TGFBR3: variants seen among roughly 807,000 people sequenced by gnomAD.
TGFBR3 encodes transforming growth factor beta receptor type 3.
TGFBR3 carries 46 observed loss-of-function variants against 87.9 expected under a neutral mutation model. The observed-to-expected ratio is 0.52, with a 90% CI of 0.41 to 0.67. The LOEUF (loss-of-function observed/expected upper bound fraction) is 0.67, where lower values mean the gene tolerates loss of function less well. Among genes scored for constraint, TGFBR3 ranks in the 30% least tolerant of loss-of-function variants. The pLI is 0.00. For missense variants in TGFBR3, 866 were observed against 1,041.9 expected (o/e 0.83, Z 2.32); for synonymous variants, 381 against 391.6 (o/e 0.97, Z 0.32).
chr1:91,789,052 C>T (rs1675081234), intron 3 of TGFBR3, among the ~76,000 whole-genome samples: 1 of 152,168 alleles, frequency 6.6e-6, no homozygotes, highest in Admixed American at 6.5e-5. Context: ...AATCCCAGCA[C>T]TTTGGGAAGC....
At chr1:91,877,938 C>G (rs146173956) in intron 1 of TGFBR3, among the ~76,000 whole-genome samples, 1 of 152,026 alleles carries the variant, frequency 6.6e-6, no homozygotes, top group African/African-American at 2.4e-5. Flanking sequence ...AAAGATAGAC[C>G]AGCAATAGGA....
Position 91,885,872 on chromosome 1 carries a change from AC to A in TGFBR3, c.-114+5del, listed in dbSNP as rs1335432197. ...TGCAGCGCCGCGGGGCTGGGCCGGC[AC>A]GTACCTCGGAGGCGGTGTGTCCAGC... On this transcript the variant is annotated splice_donor_5th_base_variant and intron_variant, in intron 1 of 16. Transcript: ENST00000212355. The A allele has an allele frequency of 1.9e-5, 7 of 371,020 alleles. No homozygotes were observed. The highest frequency in any genetic ancestry group is 1.5e-4 in the African/African-American group (7 of 46,104). The allele number at this position is 371,020 out of a possible 1,614,324, so 23.0% of individuals were successfully genotyped here.
At chr1:91,742,623 A>C (rs1370431645) in intron 4 of TGFBR3, among the ~76,000 whole-genome samples, 1 of 152,180 alleles carries the variant, frequency 6.6e-6, no homozygotes, top group Admixed American at 6.5e-5. Flanking sequence ...ATTAAAACCC[A>C]ATCCTCTAAC....
chr1:91,689,264 T>C (rs531223054), intron 16 of TGFBR3, among the ~76,000 whole-genome samples: 1 of 152,336 alleles, frequency 6.6e-6, no homozygotes, highest in South Asian at 2.1e-4. Context: ...AGTTCTCCAT[T>C]TTTCTGACAC....
In TGFBR3 at chr1:91,751,479, T is replaced by G. The variant is rs376312928; in HGVS notation, c.384+7134A>C. Among the ~76,000 whole-genome samples the G allele has an allele frequency of 9.8e-5, 15 of 152,324 alleles. No homozygotes were observed. The East Asian group carries it at 1.2e-3, about 12-fold the overall frequency. ...GCTATTTAGCAACTGATTGGAAATT[T>G]AGCCTTCTGATTTCCAGTTAAATAC... is the stretch of plus-strand genomic sequence containing the variant. On this transcript the variant is annotated intron_variant, in intron 4 of 16. Coordinates refer to ENST00000212355, the MANE Select transcript of TGFBR3 (RefSeq NM_003243.5).
chr1:91,905,774 A>AC (rs1226944837), intron 1 of TGFBR3: 1 of 152,244 alleles, frequency 6.6e-6, no homozygotes. Context: ...TTTTGGTTGC[A>AC]AATGATGGAA....
chr1:91,897,367 G>C (rs990059496), intron 2 of TGFBR3, among the ~76,000 whole-genome samples: 1 of 152,150 alleles, frequency 6.6e-6, no homozygotes, highest in Non-Finnish European at 1.5e-5. Flanking sequence ...AAGCATATTT[G>C]GTAAAAGGTT....
intron 4 of TGFBR3, among the ~76,000 whole-genome samples, chr1:91,744,108 C>T (rs1186411489): frequency 1.3e-4 from 18 of 134,044 alleles, no homozygotes; most frequent in African/African-American, 3.4e-4. Flanking sequence ...TTTTTTGAGA[C>T]GGAGTTTCGC....
chr1:91,797,875 A>G (rs538699823), intron 2 of TGFBR3, among the ~76,000 whole-genome samples: 19 of 152,370 alleles, frequency 1.2e-4, no homozygotes, highest in Admixed American at 3.9e-4. Context: ...AGTATAAGAT[A>G]CAGATCCTAT....
At chr1:91,762,988 CA>C (rs1674027610) in intron 3 of TGFBR3, among the ~76,000 whole-genome samples, 1 of 152,166 alleles carries the variant, frequency 6.6e-6, no homozygotes, top group South Asian at 2.1e-4. Flanking sequence ...CAGAAAATAA[CA>C]AGGACAATCT....
chr1:91,794,780 C>T, intron 3 of TGFBR3, among the ~76,000 whole-genome samples: 1 of 152,116 alleles, frequency 6.6e-6, no homozygotes, highest in Non-Finnish European at 1.5e-5. Context: ...TTTTATTTAC[C>T]CATTCATCAG....
At chr1:91,762,328 T>C (rs926262452) in intron 3 of TGFBR3, among the ~76,000 whole-genome samples, 3 of 152,170 alleles carry the variant, frequency 2.0e-5, no homozygotes, top group African/African-American at 7.2e-5. Context: ...GCAGGGCCCA[T>C]GAACTCCCCG....
chr1:91,726,869 G>A (rs1672568804), intron 7 of TGFBR3, among the ~76,000 whole-genome samples: 1 of 151,774 alleles, frequency 6.6e-6, no homozygotes, highest in African/African-American at 2.4e-5. Context: ...TAAAAAATAG[G>A]GAGGAGGATT....
rs11466595 is a variant in TGFBR3, at chr1:91,720,178, G to A, written c.1128C>T (p.Ile376=). ...EVHTIPPELR[I]LLDPGALPAL... Reference sequence around the variant, plus strand: ...CAGGCAGGGCACCAGGGTCCAGCAGGATCCGTAGCTCAGGAGGAATAGTGT... The same window carrying A: ...CAGGCAGGGCACCAGGGTCCAGCAGAATCCGTAGCTCAGGAGGAATAGTGT... Residue 376 remains isoleucine (I), a synonymous_variant, in exon 9 of 17, where the codon ATC becomes ATT. Transcript: ENST00000212355. 16,644 of 1,612,964 alleles carry A rather than the reference G, an allele frequency of 0.01. 109 individuals are homozygous for A. The highest frequency in any genetic ancestry group is 0.012 in the Non-Finnish European group (14,393 of 1,179,510).
Position 91,855,448 on chromosome 1 carries a change from A to G in TGFBR3, c.61+6023T>C, listed in dbSNP as rs150178812. Among the ~76,000 whole-genome samples, 77 of 152,336 alleles carry G rather than the reference A, an allele frequency of 5.1e-4. 2 individuals are homozygous for G. Among genetic ancestry groups the G allele is most frequent in the African/African-American group, 1.8e-3 (75 of 41,582 alleles). Reference sequence around the variant, plus strand: ...ATGCATGCCTCTTTTTCTTATTACTAAAACTCCTGGAAACATAGCCCTGCC... The same window carrying G: ...ATGCATGCCTCTTTTTCTTATTACTGAAACTCCTGGAAACATAGCCCTGCC... On this transcript the variant is annotated intron_variant, in intron 2 of 16. Transcript: ENST00000212355.
At chr1:91,792,922 T>C (rs750418815) in intron 3 of TGFBR3, among the ~76,000 whole-genome samples, 6 of 152,236 alleles carry the variant, frequency 3.9e-5, no homozygotes, top group Non-Finnish European at 8.8e-5. Flanking sequence ...TCCAAGGCTG[T>C]TGTTTCCGAA....
chr1:91,783,407 A>C (rs917910463), intron 3 of TGFBR3: 5 of 152,222 alleles, frequency 3.3e-5, no homozygotes, highest in Non-Finnish European at 5.9e-5. Flanking sequence ...GGACTCCTTC[A>C]ATCAGCCAGC....
intron 3 of TGFBR3, among the ~76,000 whole-genome samples, chr1:91,792,049 T>G (rs183671629): frequency 6.6e-6 from 1 of 152,174 alleles, no homozygotes; most frequent in East Asian, 1.9e-4. Context: ...TTTATGCCAA[T>G]CCTCAGAGAA....
intron 3 of TGFBR3, among the ~76,000 whole-genome samples, chr1:91,793,805 CAAAAA>C (rs57943201): frequency 0.13 from 13,269 of 99,014 alleles, 632 homozygotes; most frequent in Non-Finnish European, 0.16. Context: ...GACTCTGTCT[CAAAAA>C]AAAAAAAAAA....
Sources: gnomAD v4.1 joint callset for allele counts (sites outside exome capture counted in the v4.1 genomes callset) on GRCh38, gnomAD v4.1.1 for gene constraint, MANE v1.5 for transcripts, NCBI Gene and HGNC (gene_info 2026-07-23, HGNC 2026-07-21) for gene names.